ARSG: variants seen among roughly 807,000 people sequenced by gnomAD.
The protein encoded by ARSG is ASG.
In ARSG, 37 loss-of-function variants were observed where a neutral mutation model predicts 50.5. The observed-to-expected ratio is 0.73, with a 90% CI of 0.56 to 0.96. The LOEUF is 0.96. ARSG is among the 50% of genes least tolerant of loss of function. ARSG has a pLI of 0.00. For missense variants in ARSG, 629 were observed against 675.3 expected, an observed-to-expected ratio of 0.93 and a Z score of 0.76; for synonymous variants, 225 against 254.6, an observed-to-expected ratio of 0.88 and a Z score of 1.11.
chr17:68,435,009 C>G, the ARSG span, among the ~76,000 whole-genome samples: 1 of 152,104 alleles, frequency 6.6e-6, no homozygotes, highest in African/African-American at 2.4e-5. Flanking sequence ...CAAGACCAGC[C>G]TGGGCAACAC....
intron 2 of ARSG, among the ~76,000 whole-genome samples, chr17:68,336,487 G>A (rs1211297027): frequency 6.6e-6 from 1 of 152,098 alleles, no homozygotes; most frequent in Non-Finnish European, 1.5e-5. Flanking sequence ...TGGGATTACA[G>A]GCGTGAACCA....
At position 68,408,281 on chromosome 17, in the gene ARSG, C is replaced by A. The variant is rs527544711; in HGVS notation, c.1303+6831C>A. On this transcript the variant is annotated intron_variant, in intron 11 of 11. Transcript: ENST00000621439. ...CAATGCTATCCCTCCCCCCTCCCCC[C>A]ACCCCACAACAGTCCCCAGAGTGTG... 4.2e-5 allele frequency among the ~76,000 whole-genome samples: 5 copies of A among 119,754 alleles called. No individual in the cohort carries two copies. The East Asian group carries it at 1.2e-3, about 29-fold the overall frequency. 78.6% of individuals were successfully genotyped at this position (119,754 alleles called of 152,430 possible).
intron 1 of ARSG, among the ~76,000 whole-genome samples, chr17:68,263,558 C>A (rs2075106424): frequency 6.6e-6 from 1 of 152,218 alleles, no homozygotes; most frequent in South Asian, 2.1e-4. Flanking sequence ...CAACCTCTGC[C>A]TTCTGGGCTC....
the ARSG span, among the ~76,000 whole-genome samples, chr17:68,441,782 G>A: frequency 6.6e-6 from 1 of 152,312 alleles, no homozygotes; most frequent in East Asian, 1.9e-4. Context: ...CCATTTTACT[G>A]CAGTAGAAAG....
At chr17:68,395,287 T>C (rs2081191043) in intron 10 of ARSG, 94 bp downstream of exon 10, 3 of 1,559,062 alleles carry the variant, frequency 1.9e-6, no homozygotes, top group African/African-American at 2.7e-5. Flanking sequence ...CATCAGAAGA[T>C]GGTCAAGAAC....
chr17:68,291,985 C>CGCG (rs1555756344), intron 1 of ARSG, among the ~76,000 whole-genome samples: 1 of 152,096 alleles, frequency 6.6e-6, no homozygotes, highest in African/African-American at 2.4e-5. Context: ...GCTGCGCGCG[C>CGCG]GGCGCCTGAG....
At chr17:68,297,304 A>G (rs1014240646) in intron 1 of ARSG, among the ~76,000 whole-genome samples, 4 of 152,260 alleles carry the variant, frequency 2.6e-5, no homozygotes, top group Admixed American at 6.5e-5. Context: ...AGCATACTCC[A>G]AGGATGCCAG....
At chr17:68,429,258 C>T in the ARSG span, among the ~76,000 whole-genome samples, 1 of 152,158 alleles carries the variant, frequency 6.6e-6, no homozygotes, top group Admixed American at 6.5e-5. Context: ...TGTGTCTCTG[C>T]CCTTAACCAA....
chr17:68,421,041 G>A, downstream of ARSG: 1 of 155,504 alleles, frequency 6.4e-6, no homozygotes, highest in Non-Finnish European at 1.4e-5. Context: ...GTCTCAGTAG[G>A]GCTCGAGTAG....
At chr17:68,318,867 T>A (rs546400929) in intron 2 of ARSG, among the ~76,000 whole-genome samples, 4 of 152,290 alleles carry the variant, frequency 2.6e-5, no homozygotes, top group Non-Finnish European at 5.9e-5. Flanking sequence ...AAAACGGGCC[T>A]CAGTGAGCAA....
chr17:68,409,831 C>T (rs925793401), intron 11 of ARSG, among the ~76,000 whole-genome samples: 4 of 151,362 alleles, frequency 2.6e-5, no homozygotes, highest in African/African-American at 9.8e-5. Context: ...TTGAAGAGGT[C>T]CTTCACATCC....
intron 1 of ARSG, chr17:68,270,787 C>A: frequency 9.6e-6 from 14 of 1,462,018 alleles, no homozygotes; most frequent in Non-Finnish European, 1.3e-5. Flanking sequence ...GAAGCTAGCA[C>A]AATTCACAAG....
At chr17:68,443,084 G>C in the ARSG span, among the ~76,000 whole-genome samples, 1 of 152,114 alleles carries the variant, frequency 6.6e-6, no homozygotes, top group Non-Finnish European at 1.5e-5. Flanking sequence ...CAATGGCTTT[G>C]TTCTTTTATT....
rs375912075 is a variant in ARSG, at chr17:68,332,769, C to T, written c.219-10835C>T. 9.2e-5 allele frequency among the ~76,000 whole-genome samples: 14 copies of T among 152,310 alleles called. No individual in the cohort carries two copies. The East Asian group carries it at 1.4e-3, about 15-fold the overall frequency. On this transcript the variant is annotated intron_variant, in intron 2 of 11. Coordinates refer to ENST00000621439, the MANE Select transcript of ARSG (RefSeq NM_001267727.2). ...CATGGCTTCAGCCAGTCCCTCCGTT[C>T]GGGGTCCCTGACTTCCTGCAACACC...
At chr17:68,344,875 T>C (rs2078435713) in intron 3 of ARSG, among the ~76,000 whole-genome samples, 1 of 151,670 alleles carries the variant, frequency 6.6e-6, no homozygotes, top group African/African-American at 2.4e-5. Flanking sequence ...CTGTGGGAGG[T>C]TGTTCTACCC....
chr17:68,421,670 C>G, downstream of ARSG: 1 of 1,527,546 alleles, frequency 6.5e-7, no homozygotes, highest in South Asian at 1.1e-5. Flanking sequence ...GATTCCTGCC[C>G]CCCTTTCTGC....
At chr17:68,323,040 T>G (rs919894845) in intron 2 of ARSG, among the ~76,000 whole-genome samples, 1 of 151,704 alleles carries the variant, frequency 6.6e-6, no homozygotes, top group South Asian at 2.1e-4. Flanking sequence ...GAGAGGGCTC[T>G]CTCTCTCTCT....
chr17:68,424,435 A>C (rs781652035), downstream of ARSG: 1 of 534,656 alleles, frequency 1.9e-6, no homozygotes, highest in East Asian at 5.4e-5. Context: ...CCAGACCTGC[A>C]CTCCATCCTT....
At chr17:68,331,041 G>A (rs1414893307) in intron 2 of ARSG, among the ~76,000 whole-genome samples, 1 of 149,356 alleles carries the variant, frequency 6.7e-6, no homozygotes, top group East Asian at 2.0e-4. Context: ...CTGGAGTGCA[G>A]TGGCATGATC....
Sources: gnomAD v4.1 joint callset for allele counts (sites outside exome capture counted in the v4.1 genomes callset) on GRCh38, gnomAD v4.1.1 for gene constraint, MANE v1.5 for transcripts, NCBI Gene and HGNC (gene_info 2026-07-23, HGNC 2026-07-21) for gene names.